RGMA: variants seen among roughly 807,000 people sequenced by gnomAD.
RGMA encodes repulsive guidance molecule BMP co-receptor a, also known as repulsive guidance molecule A.
In RGMA, 10 loss-of-function variants were observed where a neutral mutation model predicts 23.2. The observed-to-expected ratio is 0.43, with a 90% CI of 0.27 to 0.73. The LOEUF (loss-of-function observed/expected upper bound fraction) is 0.73. Ranked by LOEUF, RGMA falls within the 30% of genes least tolerant of loss-of-function variation. RGMA has a pLI of 0.20. For missense variants in RGMA, 547 were observed against 630.5 expected, an observed-to-expected ratio of 0.87 and a Z score of 1.42; for synonymous variants, 308 against 279.3, an observed-to-expected ratio of 1.10 and a Z score of -1.03.
rs2054733576 is a variant in RGMA, at chr15:93,042,235, C to T, written c.*2763G>A. 1 of 152,296 alleles carries T rather than the reference C, an allele frequency of 6.6e-6. No homozygotes were observed. The highest frequency in any genetic ancestry group is 2.1e-4 in the South Asian group (1 of 4,832). 9.4% of individuals were successfully genotyped at this position (152,296 alleles called of 1,614,324 possible). A position where few individuals can be genotyped will look rare whatever the true frequency, so the allele number is the denominator to read the frequency against. ...TCTGCCTGGGATTAATGAACTTGGC[C>T]ACTCTTGGGACTCCTCCCCTTGCTA... On this transcript the variant is annotated 3_prime_UTR_variant, in exon 4 of 4. Coordinates refer to ENST00000329082, the MANE Select transcript of RGMA (RefSeq NM_020211.3).
chr15:93,051,483 C>G (rs1044680335), intron 3 of RGMA, among the ~76,000 whole-genome samples: 1 of 152,212 alleles, frequency 6.6e-6, no homozygotes, highest in Non-Finnish European at 1.5e-5. Flanking sequence ...TCCCCAAAAG[C>G]AGGTAGGGGA....
intron 1 of RGMA, among the ~76,000 whole-genome samples, chr15:93,080,756 T>C (rs1895546298): frequency 6.6e-6 from 1 of 152,090 alleles, no homozygotes; most frequent in African/African-American, 2.4e-5. Context: ...CCTCTTTCCT[T>C]CTTTCACACC....
At chr15:93,080,450 G>T (rs1895540637) in intron 1 of RGMA, among the ~76,000 whole-genome samples, 1 of 152,150 alleles carries the variant, frequency 6.6e-6, no homozygotes, top group Admixed American at 6.6e-5. Context: ...CCTGCTTGAG[G>T]TCACCCAGCA....
chr15:93,055,859 G>T (rs961201399), intron 2 of RGMA, among the ~76,000 whole-genome samples: 1 of 152,232 alleles, frequency 6.6e-6, no homozygotes, highest in South Asian at 2.1e-4. Context: ...AAGTGGACTG[G>T]CTTCGTGATC....
chr15:93,053,734 A>G (rs1185350935), intron 2 of RGMA, among the ~76,000 whole-genome samples: 3 of 152,162 alleles, frequency 2.0e-5, no homozygotes, highest in African/African-American at 7.2e-5. Flanking sequence ...GTGGGTGGGC[A>G]CCATCCTACT....
rs191745945 is a variant in RGMA, at chr15:93,056,078, A to T, written c.131-3571T>A. Among the ~76,000 whole-genome samples, 275 of 152,302 alleles carry T rather than the reference A, an allele frequency of 1.8e-3. 1 individual carries two copies. The highest frequency in any genetic ancestry group is 6.3e-3 in the African/African-American group (260 of 41,556). ...CCTGGGACCCAGCTCGGCAGGCCCC[A>T]GTAGCCCAGGGGTTCTGCAATTCTA... On this transcript the variant is annotated intron_variant, in intron 2 of 3. Transcript: ENST00000329082.
intron 1 of RGMA, among the ~76,000 whole-genome samples, chr15:93,080,774 C>T (rs921473624): frequency 1.3e-5 from 2 of 151,748 alleles, no homozygotes; most frequent in Admixed American, 6.6e-5. Context: ...ACCTGTCCTT[C>T]TCGACTTCCC....
At position 93,061,719 on chromosome 15, in the gene RGMA, C is replaced by T. The variant is rs1894972480; in HGVS notation, c.131-9212G>A. On this transcript the variant is annotated intron_variant, in intron 2 of 3. Transcript: ENST00000329082. Reference sequence around the variant, plus strand: ...AGATAGGGGAGGGCGCTTGGAGCACCAGCTGCACCAACGCTGGCAGGATGA... The same window carrying T: ...AGATAGGGGAGGGCGCTTGGAGCACTAGCTGCACCAACGCTGGCAGGATGA... Among the ~76,000 whole-genome samples the T allele has an allele frequency of 2.0e-5, 3 of 152,320 alleles. No homozygotes were observed. In the South Asian group the frequency reaches 6.2e-4, roughly 32 times the overall value.
Position 93,038,568 on chromosome 15 carries a change from TG to T in RGMA, c.*6429del, listed in dbSNP as rs1856475655. 7.6e-6 allele frequency: 1 copy of T among 131,444 alleles called. No individual in the cohort carries two copies. Among genetic ancestry groups the T allele is most frequent in the South Asian group, 2.2e-4 (1 of 4,490 alleles). The allele number at this position is 131,444 out of a possible 1,614,324, so 8.1% of individuals were successfully genotyped here. On this transcript the variant is annotated 3_prime_UTR_variant, in exon 4 of 4. Coordinates refer to ENST00000329082, the MANE Select transcript of RGMA (RefSeq NM_020211.3). ...TGCCTTAATGAACGAAACTGTTAGTTGTTTTTTTTTTTTTTTTGAGACGGTG... is the reference window on the plus strand; with the variant it reads ...TGCCTTAATGAACGAAACTGTTAGTTTTTTTTTTTTTTTTTTGAGACGGTG...
rs185854934 is a variant in RGMA at position 93,044,577 on chromosome 15, C to T, written c.*421G>A. ...GTGTGCTCTCGTGTAAGAGTGTGTG[C>T]GTGCGTGTGGCGGGCACAGGGGGCC... On this transcript the variant is annotated 3_prime_UTR_variant, in exon 4 of 4. Coordinates refer to ENST00000329082, the MANE Select transcript of RGMA (RefSeq NM_020211.3). The T allele has an allele frequency of 6.1e-5, 15 of 244,934 alleles. No individual in the cohort carries two copies. The highest frequency in any genetic ancestry group is 4.1e-4 in the East Asian group (4 of 9,742). 15.2% of individuals were successfully genotyped at this position (244,934 alleles called of 1,614,324 possible).
rs1036618824 is a variant in RGMA, at chr15:93,036,731, C to G, written c.*8267G>C. 1 of 152,304 alleles carries G rather than the reference C, an allele frequency of 6.6e-6. No homozygotes were observed. Among genetic ancestry groups the G allele is most frequent in the Non-Finnish European group, 1.5e-5 (1 of 68,130 alleles). The allele number at this position is 152,304 out of a possible 1,614,324, so 9.4% of individuals were successfully genotyped here. A position where few individuals can be genotyped will look rare whatever the true frequency, so the allele number is the denominator to read the frequency against. ...CCTGTGCCCCCTGGAGCGCCCCGCCCCAGCTCGTTCTCTGCCCTCAAGCGA... is the reference window on the plus strand; with the variant it reads ...CCTGTGCCCCCTGGAGCGCCCCGCCGCAGCTCGTTCTCTGCCCTCAAGCGA... On this transcript the variant is annotated 3_prime_UTR_variant, in exon 4 of 4. Coordinates refer to ENST00000329082, the MANE Select transcript of RGMA (RefSeq NM_020211.3).
At position 93,057,046 on chromosome 15, in the gene RGMA, C is replaced by T. The variant is rs567857318; in HGVS notation, c.131-4539G>A. ...GCATCTCTCCTCTTCCCTCCTTCCC[C>T]GGGGTAGGCCCTGCTGGCACTCACT... On this transcript the variant is annotated intron_variant, in intron 2 of 3. Coordinates refer to ENST00000329082, the MANE Select transcript of RGMA (RefSeq NM_020211.3). Among the ~76,000 whole-genome samples the T allele has an allele frequency of 1.2e-4, 19 of 152,280 alleles. 2 individuals are homozygous for T. In the South Asian group the frequency reaches 3.5e-3, roughly 28 times the overall value.
chr15:93,066,795 G>A (rs913681670), intron 2 of RGMA, among the ~76,000 whole-genome samples: 9 of 152,164 alleles, frequency 5.9e-5, no homozygotes, highest in Non-Finnish European at 1.3e-4. Context: ...TTACAGGTGT[G>A]AGCCACCGAG....
At chr15:93,065,984 C>T (rs1015127852) in intron 2 of RGMA, 19 of 1,167,068 alleles carry the variant, frequency 1.6e-5, no homozygotes, top group Middle Eastern at 4.1e-4. Flanking sequence ...GGCCGCTGCG[C>T]GGAGTCTTTG....
rs191322198 is a variant in RGMA at position 93,037,975 on chromosome 15, T to G, written c.*7023A>C. ...TGCACACTGGCTGCCTGCAGCTGTCTATTAATTCAGACCATCCTGCTAGGA... is the reference window on the plus strand; with the variant it reads ...TGCACACTGGCTGCCTGCAGCTGTCGATTAATTCAGACCATCCTGCTAGGA... On this transcript the variant is annotated 3_prime_UTR_variant, in exon 4 of 4. Coordinates refer to ENST00000329082, the MANE Select transcript of RGMA (RefSeq NM_020211.3). The surrounding 1 kb of genome is among the most constrained non-coding windows in gnomAD (Gnocchi z 4.3). 12 of 152,456 alleles carry G rather than the reference T, an allele frequency of 7.9e-5. No homozygotes were observed. The East Asian group carries it at 2.3e-3, about 29-fold the overall frequency. 9.4% of individuals were successfully genotyped at this position (152,456 alleles called of 1,614,324 possible). A position where few individuals can be genotyped will look rare whatever the true frequency, so the allele number is the denominator to read the frequency against.
At chr15:93,088,462 C>T in intron 1 of RGMA, 6 of 987,010 alleles carry the variant, frequency 6.1e-6, no homozygotes, top group Non-Finnish European at 7.2e-6. Context: ...CGGTGCACTG[C>T]GCCGACATCC....
intron 1 of RGMA, among the ~76,000 whole-genome samples, chr15:93,085,259 G>T (rs1895619300): frequency 6.6e-6 from 1 of 152,144 alleles, no homozygotes; most frequent in African/African-American, 2.4e-5. Flanking sequence ...ACAACAGACG[G>T]TAACTACTAA....
intron 3 of RGMA, among the ~76,000 whole-genome samples, chr15:93,049,477 G>A (rs1400791811): frequency 6.6e-6 from 1 of 152,214 alleles, no homozygotes; most frequent in Non-Finnish European, 1.5e-5. Context: ...GGAAGAGGGT[G>A]ATGGAGCAGG....
In RGMA at chr15:93,043,315, C is replaced by T. The variant is rs1463486819; in HGVS notation, c.*1683G>A. 1 of 150,612 alleles carries T rather than the reference C, an allele frequency of 6.6e-6. No individual in the cohort carries two copies. Among genetic ancestry groups the T allele is most frequent in the Non-Finnish European group, 1.5e-5 (1 of 67,814 alleles). 9.3% of individuals were successfully genotyped at this position (150,612 alleles called of 1,614,324 possible). On this transcript the variant is annotated 3_prime_UTR_variant, in exon 4 of 4. Coordinates refer to ENST00000329082, the MANE Select transcript of RGMA (RefSeq NM_020211.3). Reference sequence around the variant, plus strand: ...ACACACACATGCGCGCACACACACACACTTGCTGCAGGGGATCCCACCACC... The same window carrying T: ...ACACACACATGCGCGCACACACACATACTTGCTGCAGGGGATCCCACCACC...
Sources: gnomAD v4.1 joint callset for allele counts (sites outside exome capture counted in the v4.1 genomes callset) on GRCh38, gnomAD v4.1.1 for gene constraint, Gnocchi (gnomAD v3.1) non-coding constraint, MANE v1.5 for transcripts, NCBI Gene and HGNC (gene_info 2026-07-23, HGNC 2026-07-21) for gene names.